Variants in NECAB2 observed in about 807,000 individuals in gnomAD.
NECAB2 encodes N-terminal EF-hand calcium-binding protein 2.
Under a neutral mutation model 51.9 loss-of-function variants are expected in NECAB2, and 68 were observed. That is an observed-to-expected ratio of 1.31 (90% CI 1.08 to 1.60). NECAB2 has a LOEUF of 1.60. Among genes scored for constraint, NECAB2 ranks in the 40% most tolerant of loss-of-function variants. The pLI is 0.00. For missense variants in NECAB2, 854 were observed against 490.3 expected, an observed-to-expected ratio of 1.74 and a Z score of -7.00; for synonymous variants, 329 against 203.5, an observed-to-expected ratio of 1.62 and a Z score of -5.25.
intron 2 of NECAB2, among the ~76,000 whole-genome samples, chr16:83,972,462 G>A (rs1384363073): frequency 6.6e-6 from 1 of 152,214 alleles, no homozygotes; most frequent in Admixed American, 6.5e-5. Flanking sequence ...AGGGCTGGGT[G>A]TACTTTAGGC....
rs758374201 is a variant in NECAB2, at chr16:83,998,207, C to T, written c.852C>T (p.His284=). ...RLSDEDGTNM[H]LQLVRQEMAV... is the part of the protein sequence containing the mutation. Reference sequence around the variant, plus strand: ...CTGACTCCTGCTGTGCCCGGCAGCACCTGCAGCTGGTCCGGCAGGAGATGG... The same window carrying T: ...CTGACTCCTGCTGTGCCCGGCAGCATCTGCAGCTGGTCCGGCAGGAGATGG... The change falls in exon 10 of 13, where the codon CAC becomes CAT. Residue 284 remains histidine, a splice_region_variant and synonymous_variant. Coordinates refer to ENST00000305202, the MANE Select transcript of NECAB2 (RefSeq NM_019065.3). The T allele has an allele frequency of 1.9e-6, 3 of 1,609,010 alleles. No homozygotes were observed. Among genetic ancestry groups the T allele is most frequent in the East Asian group, 2.2e-5 (1 of 44,854 alleles).
chr16:83,982,200 T>C (rs968053882), intron 5 of NECAB2, among the ~76,000 whole-genome samples: 3 of 152,096 alleles, frequency 2.0e-5, no homozygotes, highest in East Asian at 1.9e-4. Flanking sequence ...AATTTTCCCA[T>C]GCTTCTCAGT....
At chr16:83,996,022 C>T (rs894081813) in intron 8 of NECAB2, among the ~76,000 whole-genome samples, 1 of 152,214 alleles carries the variant, frequency 6.6e-6, no homozygotes, top group African/African-American at 2.4e-5. Context: ...ACCAGGTCCT[C>T]CTCCCCAGCC....
chr16:83,999,940 G>A (rs1191984694), intron 10 of NECAB2, among the ~76,000 whole-genome samples: 6 of 152,234 alleles, frequency 3.9e-5, no homozygotes, highest in African/African-American at 1.4e-4. Context: ...GAGTGAGTGT[G>A]TAGTAGTGGA....
intron 5 of NECAB2, among the ~76,000 whole-genome samples, chr16:83,986,764 C>G (rs1303273171): frequency 6.6e-6 from 1 of 151,094 alleles, no homozygotes; most frequent in Non-Finnish European, 1.5e-5. Flanking sequence ...AAGCAATCAT[C>G]TCCCCACCTT....
intron 8 of NECAB2, among the ~76,000 whole-genome samples, chr16:83,996,803 G>C (rs1368086377): frequency 6.6e-6 from 1 of 152,182 alleles, no homozygotes; most frequent in Non-Finnish European, 1.5e-5. Context: ...TGGGGAGTCT[G>C]GAAGATTGTG....
upstream of NECAB2, chr16:83,965,888 C>T (rs763009325): frequency 6.2e-7 from 1 of 1,612,918 alleles, no homozygotes; most frequent in Non-Finnish European, 8.5e-7. Context: ...GAGCACCCGC[C>T]AGGAGGGCCT....
chr16:83,991,745 C>T (rs1249599391), intron 6 of NECAB2, among the ~76,000 whole-genome samples: 1 of 151,622 alleles, frequency 6.6e-6, no homozygotes. Context: ...AACTCAGGTT[C>T]AAGCAATTCT....
At chr16:83,967,188 T>C (rs2084290478), upstream of NECAB2, among the ~76,000 whole-genome samples, 1 of 152,046 alleles carries the variant, frequency 6.6e-6, no homozygotes, top group Non-Finnish European at 1.5e-5. Context: ...TCAGTTTTAA[T>C]TGTTCATTTG....
In NECAB2 at chr16:83,989,383, C is replaced by G. The variant is rs550338973; in HGVS notation, c.460-1111C>G. Among the ~76,000 whole-genome samples the G allele has an allele frequency of 7.4e-4, 112 of 152,350 alleles. 4 individuals carry two copies. The South Asian group carries it at 0.023, about 31-fold the overall frequency. ...GCCTTAGCTGTCTTCTCATGTGCCC[C>G]TCCTCCTCCTCTGTTTCTCAGTCTG... On this transcript the variant is annotated intron_variant, in intron 5 of 12. Transcript: ENST00000305202.
chr16:83,998,779 G>A (rs184878212), intron 10 of NECAB2, among the ~76,000 whole-genome samples: 4 of 145,690 alleles, frequency 2.7e-5, no homozygotes, highest in East Asian at 2.0e-4. Context: ...GAAGGGAAAT[G>A]CCCAAGTCAT....
chr16:83,978,235 T>C (rs984912412), intron 2 of NECAB2, among the ~76,000 whole-genome samples: 4 of 152,134 alleles, frequency 2.6e-5, no homozygotes, highest in African/African-American at 7.2e-5. Context: ...AGTTTACTGG[T>C]TAGTGTGGGA....
In NECAB2 at chr16:84,002,406, C is replaced by CGT. The variant is rs2084856680; in HGVS notation, c.*61_*62dup. On this transcript the variant is annotated 3_prime_UTR_variant, in exon 13 of 13. Transcript: ENST00000305202. ...CCCCTTCTTCTTGTGAAGGAAATCC[C>CGT]GTTTTTTTCTAGACAGACACTTTGG... 1 of 1,572,998 alleles carries CGT rather than the reference C, an allele frequency of 6.4e-7. No individual in the cohort carries two copies. The highest frequency in any genetic ancestry group is 8.7e-7 in the Non-Finnish European group (1 of 1,143,810).
intron 1 of NECAB2, chr16:83,971,932 C>G (rs976532056): frequency 1.6e-6 from 1 of 620,676 alleles, no homozygotes; most frequent in South Asian, 2.0e-5. Flanking sequence ...TACTGGCAGC[C>G]GCTTCCACGT....
chr16:83,989,948 C>G (rs914110484), intron 5 of NECAB2, among the ~76,000 whole-genome samples: 1 of 152,180 alleles, frequency 6.6e-6, no homozygotes, highest in African/African-American at 2.4e-5. Flanking sequence ...GCTTTTGATT[C>G]CGTTTTGTCA....
At chr16:83,968,977 C>G (rs2084319984) in intron 1 of NECAB2, 128 bp downstream of exon 1, 3 of 482,306 alleles carry the variant, frequency 6.2e-6, no homozygotes, top group Non-Finnish European at 8.4e-6. Flanking sequence ...GACCCCCGGC[C>G]CCTCCGCGTG....
intron 10 of NECAB2, among the ~76,000 whole-genome samples, chr16:84,000,146 C>A (rs1312210458): frequency 6.6e-6 from 1 of 152,138 alleles, no homozygotes; most frequent in African/African-American, 2.4e-5. Context: ...CCTGCCTCGA[C>A]CCCTCAAGAC....
At chr16:83,977,935 T>C (rs953241780) in intron 2 of NECAB2, among the ~76,000 whole-genome samples, 1 of 152,192 alleles carries the variant, frequency 6.6e-6, no homozygotes, top group Non-Finnish European at 1.5e-5. Context: ...GAGTGGTGGC[T>C]CATCCAGCTG....
intron 5 of NECAB2, among the ~76,000 whole-genome samples, chr16:83,988,514 C>T (rs1024967205): frequency 6.6e-6 from 1 of 152,132 alleles, no homozygotes; most frequent in African/African-American, 2.4e-5. Flanking sequence ...TGAAATTAAA[C>T]CATTAGTGGT....
Sources: gnomAD v4.1 joint callset for allele counts (sites outside exome capture counted in the v4.1 genomes callset) on GRCh38, gnomAD v4.1.1 for gene constraint, MANE v1.5 for transcripts, NCBI Gene and HGNC (gene_info 2026-07-23, HGNC 2026-07-21) for gene names.